The following PTPRM variants were observed in gnomAD, a reference collection of about 807,000 sequenced individuals.
The protein encoded by PTPRM is protein tyrosine phosphatase receptor type M.
A neutral mutation model predicts 186.7 loss-of-function variants in PTPRM; 47 were observed. That is an observed-to-expected ratio of 0.25 (90% CI 0.20 to 0.32). PTPRM has a LOEUF of 0.32. Among genes scored for constraint, PTPRM ranks in the 10% least tolerant of loss-of-function variants. The pLI is 1.00. For synonymous variants in PTPRM, 668 were observed against 674.9 expected, an observed-to-expected ratio of 0.99 and a Z score of 0.16; for missense variants, 1,494 against 1,865.0, an observed-to-expected ratio of 0.80 and a Z score of 3.66.
rs746084383 is a variant in PTPRM, at chr18:7,596,753, CATT to C, written c.73+28865_73+28867del. ...TCCTTTGCTTTTTTCCTACTGGAGTCATTATCTGATTTGTTTGTTAAAACTCTT... is the reference window on the plus strand; with the variant it reads ...TCCTTTGCTTTTTTCCTACTGGAGTCATCTGATTTGTTTGTTAAAACTCTT... On this transcript the variant is annotated intron_variant, in intron 1 of 32. Coordinates refer to ENST00000580170, the MANE Select transcript of PTPRM (RefSeq NM_001105244.2). Among the ~76,000 whole-genome samples, 5 of 152,206 alleles carry C rather than the reference CATT, an allele frequency of 3.3e-5. No individual in the cohort carries two copies. The South Asian group carries it at 6.2e-4, about 19-fold the overall frequency.
intron 7 of PTPRM, among the ~76,000 whole-genome samples, chr18:8,030,608 A>G (rs1043326793): frequency 4.6e-5 from 7 of 152,344 alleles, no homozygotes; most frequent in African/African-American, 1.2e-4. Context: ...AGTTCTTTCA[A>G]TTCCATTATT....
At chr18:7,880,030 C>G (rs1396559234) in intron 2 of PTPRM, among the ~76,000 whole-genome samples, 1 of 152,128 alleles carries the variant, frequency 6.6e-6, no homozygotes, top group Non-Finnish European at 1.5e-5. Flanking sequence ...AAGTGCCAAG[C>G]AGAGGGGGGA....
chr18:7,599,930 T>C lies in PTPRM; in HGVS notation c.73+32039T>C, dbSNP rs1438733903. On this transcript the variant is annotated intron_variant, in intron 1 of 32. Coordinates refer to ENST00000580170, the MANE Select transcript of PTPRM (RefSeq NM_001105244.2). ...ATCCATCCACCTTGCTCCTGGGATCTTCTACATGCCTTTTACCGTCTATCT... is the reference window on the plus strand; with the variant it reads ...ATCCATCCACCTTGCTCCTGGGATCCTCTACATGCCTTTTACCGTCTATCT... Among the ~76,000 whole-genome samples the C allele has an allele frequency of 3.3e-5, 5 of 152,192 alleles. No individual in the cohort carries two copies. In the South Asian group the frequency reaches 8.3e-4, roughly 25 times the overall value.
chr18:8,267,889 G>A (rs1336298744), intron 19 of PTPRM, among the ~76,000 whole-genome samples: 1 of 152,108 alleles, frequency 6.6e-6, no homozygotes, highest in Non-Finnish European at 1.5e-5. Context: ...GTCTTCATAT[G>A]TTTACTGACC....
chr18:8,267,560 C>T (rs2094717079), intron 19 of PTPRM, among the ~76,000 whole-genome samples: 1 of 152,068 alleles, frequency 6.6e-6, no homozygotes, highest in Non-Finnish European at 1.5e-5. Flanking sequence ...AATATTATAT[C>T]CCAAATGTTT....
intron 15 of PTPRM, among the ~76,000 whole-genome samples, chr18:8,245,993 C>T (rs1255071180): frequency 1.3e-5 from 2 of 152,132 alleles, no homozygotes; most frequent in African/African-American, 4.8e-5. Context: ...GGCTATTAGA[C>T]GTTATTTTTT....
At chr18:8,304,821 A>ATTTTTTTTTT (rs34216473) in intron 20 of PTPRM, among the ~76,000 whole-genome samples, 1 of 131,294 alleles carries the variant, frequency 7.6e-6, no homozygotes, top group Non-Finnish European at 1.7e-5. Flanking sequence ...TGTTGACTTT[A>ATTTTTTTTTT]TTTTTTTTTT....
chr18:7,613,672 C>CAA (rs78083328), intron 1 of PTPRM, among the ~76,000 whole-genome samples: 10 of 129,544 alleles, frequency 7.7e-5, no homozygotes, highest in South Asian at 7.2e-4. Context: ...GACTCCGTCT[C>CAA]AAAAAAAAAA....
At position 8,394,493 on chromosome 18, in the gene PTPRM, G is replaced by C. The variant is rs755582680; in HGVS notation, c.4226G>C (p.Ser1409Thr). Residue 1409 changes from serine (S) to threonine (T), a missense_variant, in exon 32 of 33, where the codon AGT (serine) becomes ACT (threonine). By Grantham distance (58) the Ser-to-Thr change is moderately conservative. This residue lies in a region of PTPRM where 1,107 missense variants were observed against 1,350.2 expected (regional missense o/e 0.82). Transcript: ENST00000580170. ...CACGACAGGAACGGGGGAGGCCGCA[G>C]TGGGACGTTCTGCGCCATCAGCATC... is the stretch of plus-strand genomic sequence containing the variant. ...VVHCLNGGGR[S>T]GTFCAISIVC... 6.2e-7 allele frequency: 1 copy of C among 1,612,728 alleles called. No homozygotes were observed. Among genetic ancestry groups the C allele is most frequent in the East Asian group, 2.2e-5 (1 of 44,794 alleles).
intron 1 of PTPRM, among the ~76,000 whole-genome samples, 182 bp from the exon 2 acceptor site, chr18:7,773,967 A>G (rs2042459776): frequency 6.6e-6 from 1 of 152,076 alleles, no homozygotes; most frequent in African/African-American, 2.4e-5. Flanking sequence ...CATGGTTAAT[A>G]CTCAGCAGCA....
chr18:8,332,254 G>C (rs1367752242), intron 22 of PTPRM, among the ~76,000 whole-genome samples: 3 of 152,154 alleles, frequency 2.0e-5, no homozygotes, highest in South Asian at 2.1e-4. Context: ...AACCAGAAAA[G>C]AGAAAATAGA....
chr18:8,087,673 T>C (rs371138493), intron 10 of PTPRM, among the ~76,000 whole-genome samples: 3 of 152,196 alleles, frequency 2.0e-5, no homozygotes, highest in East Asian at 1.9e-4. Context: ...TTCTATGTTA[T>C]GAATTGGAGT....
intron 1 of PTPRM, among the ~76,000 whole-genome samples, chr18:7,759,918 T>G (rs776751926): frequency 2.6e-5 from 4 of 152,188 alleles, no homozygotes; most frequent in Non-Finnish European, 4.4e-5. Flanking sequence ...TGTTCTTCAG[T>G]GATCTTTTCA....
chr18:7,749,295 C>G (rs2041096330), intron 1 of PTPRM: 1 of 151,688 alleles, frequency 6.6e-6, no homozygotes, highest in Non-Finnish European at 1.5e-5. Context: ...ACTATTTTTG[C>G]TGGCAGCACT....
intron 3 of PTPRM, among the ~76,000 whole-genome samples, chr18:7,903,057 TAAAG>T (rs963919408): frequency 3.3e-5 from 5 of 152,194 alleles, no homozygotes; most frequent in Non-Finnish European, 7.3e-5. Context: ...TTGTAGTTGA[TAAAG>T]CAAAATAAAA....
chr18:8,402,304 G>A (rs1285394421), intron 32 of PTPRM, among the ~76,000 whole-genome samples: 2 of 152,166 alleles, frequency 1.3e-5, no homozygotes. Context: ...GGGACTGGGT[G>A]CTTGCTCAGG....
chr18:8,369,169 A>G (rs1265993872), intron 23 of PTPRM, among the ~76,000 whole-genome samples: 3 of 152,252 alleles, frequency 2.0e-5, no homozygotes, highest in African/African-American at 7.2e-5. Context: ...GTCCTTGAAC[A>G]TAAAATATAT....
chr18:8,385,569 GCC>G (rs2095766927), intron 30 of PTPRM, among the ~76,000 whole-genome samples: 1 of 152,180 alleles, frequency 6.6e-6, no homozygotes, highest in Admixed American at 6.5e-5. Context: ...GCATGTGAGT[GCC>G]AGGACAGCAA....
In PTPRM at chr18:8,240,626, A is replaced by G. The variant is rs1222207326; in HGVS notation, c.2301-3432A>G. ...GAGAGAGAGAGAGGGAGGGAGAGAG[A>G]GAGAGAGAGAGAGAGAGAGAGAGAG... On this transcript the variant is annotated intron_variant, in intron 14 of 32. Transcript: ENST00000580170. Among the ~76,000 whole-genome samples the G allele has an allele frequency of 4.2e-3, 154 of 36,590 alleles. 3 individuals carry two copies. Among genetic ancestry groups the G allele is most frequent in the African/African-American group, 0.013 (102 of 7,646 alleles). The allele number at this position is 36,590 out of a possible 152,430, so 24.0% of individuals were successfully genotyped here.
Sources: allele counts gnomAD v4.1 joint callset (sites outside exome capture counted in the v4.1 genomes callset), GRCh38; gene constraint gnomAD v4.1.1; regional missense constraint gnomAD v4.1.1; transcripts MANE v1.5; gene names NCBI Gene and HGNC (gene_info 2026-07-23, HGNC 2026-07-21).